The following COL19A1 variants were observed in gnomAD, a reference collection of about 807,000 sequenced individuals.
COL19A1 encodes the protein collagen alpha-1(XIX) chain.
Under a neutral mutation model 190.2 loss-of-function variants are expected in COL19A1, and 159 were observed. That is an observed-to-expected ratio of 0.84 (90% CI 0.73 to 0.95). The LOEUF (loss-of-function observed/expected upper bound fraction) is 0.95. Ranked by LOEUF, COL19A1 falls within the 40% of genes least tolerant of loss-of-function variation. The probability of loss-of-function intolerance (pLI) is 0.00; values close to 1 mark genes in which losing one functional copy is unlikely to be tolerated. For synonymous variants in COL19A1, 509 were observed against 458.9 expected, an observed-to-expected ratio of 1.11 and a Z score of -1.39; for missense variants, 1,418 against 1,431.9, an observed-to-expected ratio of 0.99 and a Z score of 0.16.
intron 27 of COL19A1, among the ~76,000 whole-genome samples, chr6:70,149,341 T>C (rs867928250): frequency 2.6e-5 from 4 of 152,292 alleles, no homozygotes; most frequent in South Asian, 4.1e-4. Flanking sequence ...GATAAATGAC[T>C]CAAAGTTGAA....
At chr6:69,867,507 C>G (rs560450370) in intron 1 of COL19A1, 2 of 152,382 alleles carry the variant, frequency 1.3e-5, no homozygotes, top group Admixed American at 1.3e-4. Context: ...GGCGCCGCAG[C>G]CACAGCGGCC....
Position 70,156,389 on chromosome 6 carries a change from A to G in COL19A1, c.2238+20A>G. 1 of 1,611,944 alleles carries G rather than the reference A, an allele frequency of 6.2e-7. No homozygotes were observed. The highest frequency in any genetic ancestry group is 8.5e-7 in the Non-Finnish European group (1 of 1,178,924). Reference sequence around the variant, plus strand: ...CCAAAGGTAAGAAATTCTCTCCTCCACTTTCCCCTGTGGGAACCTCAATTT... The same window carrying G: ...CCAAAGGTAAGAAATTCTCTCCTCCGCTTTCCCCTGTGGGAACCTCAATTT... On this transcript the variant is annotated intron_variant, in intron 33 of 50. Transcript: ENST00000620364.
chr6:70,160,996 A>G (rs1464446335), intron 34 of COL19A1, among the ~76,000 whole-genome samples: 2 of 152,292 alleles, frequency 1.3e-5, no homozygotes, highest in East Asian at 3.9e-4. Flanking sequence ...GTATCAAAGT[A>G]ACAAAACTAA....
chr6:69,902,263 A>C (rs1316196663), intron 4 of COL19A1, among the ~76,000 whole-genome samples: 1 of 152,232 alleles, frequency 6.6e-6, no homozygotes, highest in East Asian at 1.9e-4. Flanking sequence ...ATTTGTAAAT[A>C]AGCTGCTTTG....
intron 15 of COL19A1, among the ~76,000 whole-genome samples, chr6:70,083,993 G>GA (rs1035428920): frequency 9.2e-5 from 14 of 151,892 alleles, no homozygotes; most frequent in East Asian, 7.8e-4. Flanking sequence ...TTTCCCCCCG[G>GA]AAAAAAGATA....
intron 19 of COL19A1, among the ~76,000 whole-genome samples, chr6:70,140,489 A>T (rs1446658548): frequency 6.6e-6 from 1 of 152,152 alleles, no homozygotes; most frequent in Non-Finnish European, 1.5e-5. Flanking sequence ...AAAAATAAAA[A>T]CTAGGAAACT....
chr6:69,912,505 C>G (rs901834721), intron 4 of COL19A1, among the ~76,000 whole-genome samples: 1 of 152,142 alleles, frequency 6.6e-6, no homozygotes, highest in African/African-American at 2.4e-5. Flanking sequence ...ATGCGTGTTG[C>G]TATTGCCATT....
chr6:69,997,770 T>C (rs139766742), intron 11 of COL19A1, among the ~76,000 whole-genome samples: 1 of 152,070 alleles, frequency 6.6e-6, no homozygotes, highest in African/African-American at 2.4e-5. Flanking sequence ...TACCAACATG[T>C]ATGTAATGGG....
At chr6:70,109,559 TGTG>T (rs1436073925) in intron 16 of COL19A1, among the ~76,000 whole-genome samples, 3 of 151,460 alleles carry the variant, frequency 2.0e-5, no homozygotes, top group Non-Finnish European at 2.9e-5. Context: ...TGTGTGTGTG[TGTG>T]TGTGTGTGTG....
chr6:70,053,594 C>A (rs1442689745), intron 14 of COL19A1, among the ~76,000 whole-genome samples: 1 of 152,096 alleles, frequency 6.6e-6, no homozygotes, highest in Non-Finnish European at 1.5e-5. Flanking sequence ...GACCGATTAA[C>A]CCTGTTTCTA....
At chr6:70,043,449 C>T (rs1779738772) in intron 14 of COL19A1, among the ~76,000 whole-genome samples, 1 of 152,126 alleles carries the variant, frequency 6.6e-6, no homozygotes. Flanking sequence ...GTCTCGGCCT[C>T]CCAAAGTGCT....
chr6:70,121,932 A>G lies in COL19A1; in HGVS notation c.1331A>G (p.Lys444Arg). Reference protein sequence around the residue: ...IHQTLGGYYNKDNKGNDEHEA... With the variant: ...IHQTLGGYYNRDNKGNDEHEA... ...CAAACTCTTGGTGGATATTATAACA[A>G]GGATAACAAGGTATGGCTTCTTTTT... Residue 444 changes from lysine to arginine, a missense_variant, in exon 17 of 51, where the codon AAG (lysine) becomes AGG (arginine). Coordinates refer to ENST00000620364, the MANE Select transcript of COL19A1 (RefSeq NM_001858.6). 1 of 1,583,032 alleles carries G rather than the reference A, an allele frequency of 6.3e-7. No homozygotes were observed. Among genetic ancestry groups the G allele is most frequent in the Non-Finnish European group, 8.6e-7 (1 of 1,165,158 alleles).
intron 4 of COL19A1, among the ~76,000 whole-genome samples, chr6:69,918,518 G>A (rs564906957): frequency 2.6e-5 from 4 of 152,034 alleles, no homozygotes; most frequent in South Asian, 2.1e-4. Context: ...GAAACATGGC[G>A]AAATTCCATC....
intron 15 of COL19A1, 73 bp downstream of exon 15, chr6:70,068,549 G>C (rs1781381792): frequency 6.2e-6 from 6 of 969,338 alleles, no homozygotes; most frequent in East Asian, 2.4e-5. Flanking sequence ...TAATGAAAAT[G>C]AAACCGAAAT....
At chr6:70,131,199 G>A (rs1206538440) in intron 18 of COL19A1, 1 of 277,512 alleles carries the variant, frequency 3.6e-6, no homozygotes, top group African/African-American at 2.3e-5. Flanking sequence ...AAATCTACAG[G>A]CAGAGATGAG....
intron 36 of COL19A1, among the ~76,000 whole-genome samples, chr6:70,163,804 T>A (rs1022437460): frequency 6.6e-6 from 1 of 152,146 alleles, no homozygotes; most frequent in Non-Finnish European, 1.5e-5. Context: ...AACAAACATT[T>A]ATGCATATTT....
At chr6:69,955,897 C>G (rs1424599217) in intron 9 of COL19A1, among the ~76,000 whole-genome samples, 3 of 151,940 alleles carry the variant, frequency 2.0e-5, no homozygotes, top group Admixed American at 2.0e-4. Context: ...AGCATTTATT[C>G]AGTAACCACA....
chr6:69,885,397 A>G (rs1194501034), intron 2 of COL19A1, among the ~76,000 whole-genome samples: 3 of 152,228 alleles, frequency 2.0e-5, no homozygotes, highest in Non-Finnish European at 4.4e-5. Flanking sequence ...GGTCTATAGC[A>G]TATTATGGGA....
chr6:69,985,616 C>T (rs889453187), intron 11 of COL19A1, among the ~76,000 whole-genome samples: 45 of 152,110 alleles, frequency 3.0e-4, no homozygotes, highest in African/African-American at 9.6e-4. Flanking sequence ...ACCCTGGAAC[C>T]TAAGTTTCCT....
Sources: allele counts gnomAD v4.1 joint callset (sites outside exome capture counted in the v4.1 genomes callset), GRCh38; gene constraint gnomAD v4.1.1; transcripts MANE v1.5; gene names NCBI Gene and HGNC (gene_info 2026-07-23, HGNC 2026-07-21).